Variants in NBAS observed in about 807,000 individuals in gnomAD.
The protein encoded by NBAS is NBAS subunit of NRZ tethering complex.
NBAS carries 219 observed loss-of-function variants against 302.5 expected under a neutral mutation model. The ratio of observed to expected loss-of-function variants is 0.72; its 90% CI spans 0.65 to 0.81. The LOEUF (loss-of-function observed/expected upper bound fraction) is 0.81, where lower values mean the gene tolerates loss of function less well. NBAS is among the 30% of genes least tolerant of loss of function. The pLI is 0.00. For synonymous variants in NBAS, 1,118 were observed against 1,021.6 expected (o/e 1.09, Z -1.80); for missense variants, 2,932 against 2,841.6 (o/e 1.03, Z -0.72).
chr2:15,007,967 T>C, the NBAS span, among the ~76,000 whole-genome samples: 3 of 152,230 alleles, frequency 2.0e-5, no homozygotes, highest in Non-Finnish European at 4.4e-5. Context: ...AATAATGTTT[T>C]GAAAGTGACA....
chr2:15,476,654 G>A (rs567180612), intron 13 of NBAS, among the ~76,000 whole-genome samples: 13 of 152,220 alleles, frequency 8.5e-5, no homozygotes, highest in African/African-American at 2.9e-4. Context: ...GATGGAGGTC[G>A]CGGTGAGCCT....
At chr2:15,080,697 G>T in the NBAS span, among the ~76,000 whole-genome samples, 1 of 152,216 alleles carries the variant, frequency 6.6e-6, no homozygotes, top group African/African-American at 2.4e-5. Flanking sequence ...TCACTCCCAT[G>T]TCTGGCACCC....
chr2:14,958,525 T>C, the NBAS span, among the ~76,000 whole-genome samples: 1 of 152,048 alleles, frequency 6.6e-6, no homozygotes, highest in South Asian at 2.1e-4. Context: ...CGCTACTCAG[T>C]TACTGAGATT....
At chr2:15,209,012 T>C (rs758975257) in intron 48 of NBAS, among the ~76,000 whole-genome samples, 2 of 152,048 alleles carry the variant, frequency 1.3e-5, no homozygotes, top group African/African-American at 2.4e-5. Flanking sequence ...AAACAAATCA[T>C]TGGGCTTTTT....
chr2:14,903,078 A>G, the NBAS span, among the ~76,000 whole-genome samples: 2 of 152,172 alleles, frequency 1.3e-5, no homozygotes, highest in Non-Finnish European at 2.9e-5. Flanking sequence ...AAAAAAATGA[A>G]AAAATAAGAG....
intron 38 of NBAS, among the ~76,000 whole-genome samples, chr2:15,310,224 T>C (rs1671215076): frequency 6.6e-6 from 1 of 152,188 alleles, no homozygotes; most frequent in Non-Finnish European, 1.5e-5. Flanking sequence ...AAACTACAAA[T>C]GGCTCAAGTG....
chr2:15,483,526 T>C (rs966743523), intron 12 of NBAS, among the ~76,000 whole-genome samples: 3 of 152,138 alleles, frequency 2.0e-5, no homozygotes, highest in Admixed American at 1.3e-4. Flanking sequence ...ATATGGGAAA[T>C]GTTTGAAATG....
the NBAS span, among the ~76,000 whole-genome samples, chr2:14,944,641 A>C: frequency 4.6e-5 from 7 of 152,188 alleles, no homozygotes; most frequent in Non-Finnish European, 1.0e-4. Flanking sequence ...AAATCAAAAA[A>C]TGAACATATG....
intron 38 of NBAS, among the ~76,000 whole-genome samples, chr2:15,310,425 TAG>T (rs1671222467): frequency 1.3e-5 from 2 of 152,230 alleles, no homozygotes; most frequent in Non-Finnish European, 2.9e-5. Flanking sequence ...CATACAGTTT[TAG>T]AGACATTTTC....
chr2:15,445,553 C>T (rs1390766171), intron 21 of NBAS, among the ~76,000 whole-genome samples: 3 of 150,220 alleles, frequency 2.0e-5, no homozygotes, highest in Non-Finnish European at 4.4e-5. Flanking sequence ...ATACCTAATG[C>T]TAGATGACGA....
intron 12 of NBAS, among the ~76,000 whole-genome samples, chr2:15,479,573 T>C (rs1331783501): frequency 1.3e-5 from 2 of 152,196 alleles, no homozygotes; most frequent in South Asian, 4.1e-4. Context: ...CTTGGATACA[T>C]TTAAGGACAT....
At chr2:14,801,993 G>C in the NBAS span, among the ~76,000 whole-genome samples, 1 of 146,828 alleles carries the variant, frequency 6.8e-6, no homozygotes, top group South Asian at 2.2e-4. Context: ...TCTGATGGTA[G>C]TTTCTTTTGC....
intron 24 of NBAS, among the ~76,000 whole-genome samples, chr2:15,416,483 C>T (rs78216397): frequency 0.014 from 2,066 of 152,020 alleles, 33 homozygotes; most frequent in East Asian, 0.06. Context: ...AATGAGATAA[C>T]GGGAAAGTAA....
the NBAS span, among the ~76,000 whole-genome samples, chr2:15,046,680 G>A: frequency 6.6e-6 from 1 of 152,182 alleles, no homozygotes; most frequent in South Asian, 2.1e-4. Flanking sequence ...TTGTACAGAA[G>A]AAGAAAGTTG....
At chr2:14,938,889 C>T in the NBAS span, among the ~76,000 whole-genome samples, 1 of 152,228 alleles carries the variant, frequency 6.6e-6, no homozygotes, top group Non-Finnish European at 1.5e-5. Context: ...AGACTCTTGG[C>T]TCCAAGGAAG....
chr2:14,966,577 T>G, the NBAS span, among the ~76,000 whole-genome samples: 4 of 152,142 alleles, frequency 2.6e-5, no homozygotes, highest in African/African-American at 4.8e-5. Flanking sequence ...AAAATCCACA[T>G]GTAAGTGAAC....
chr2:14,989,292 T>C, the NBAS span, among the ~76,000 whole-genome samples: 1 of 100,256 alleles, frequency 1.0e-5, no homozygotes, highest in African/African-American at 3.5e-5. Context: ...GATGTATGTG[T>C]ATGTGTGTGT....
At chr2:15,337,640 C>T (rs1025898232) in intron 35 of NBAS, among the ~76,000 whole-genome samples, 1 of 151,998 alleles carries the variant, frequency 6.6e-6, no homozygotes, top group Non-Finnish European at 1.5e-5. Context: ...AATTCACATG[C>T]TCAGAAATGA....
chr2:15,062,199 T>C, the NBAS span, among the ~76,000 whole-genome samples: 2 of 152,306 alleles, frequency 1.3e-5, no homozygotes, highest in Admixed American at 6.5e-5. Context: ...CCTGTAGCAT[T>C]TCTCCAAGAC....
Sources: gnomAD v4.1 joint callset for allele counts (sites outside exome capture counted in the v4.1 genomes callset) on GRCh38, gnomAD v4.1.1 for gene constraint, MANE v1.5 for transcripts, NCBI Gene and HGNC (gene_info 2026-07-23, HGNC 2026-07-21) for gene names.